The following ABCA13 variants were observed in gnomAD, a reference collection of about 807,000 sequenced individuals.
ABCA13 encodes ATP-binding cassette sub-family A member 13.
Under a neutral mutation model 478.7 loss-of-function variants are expected in ABCA13, and 476 were observed. The observed-to-expected ratio is 0.99, with a 90% CI of 0.92 to 1.07. The LOEUF (loss-of-function observed/expected upper bound fraction) is 1.07. Ranked by LOEUF, ABCA13 falls within the 50% of genes least tolerant of loss-of-function variation. The pLI is 0.00. For missense variants in ABCA13, 6,060 were observed against 5,910.6 expected (o/e 1.03, Z -0.83); for synonymous variants, 2,252 against 2,158.9 (o/e 1.04, Z -1.20).
At position 48,552,583 on chromosome 7, in the gene ABCA13, C is replaced by T. The variant is rs887724416; in HGVS notation, c.14354+24238C>T. ...TGTATTGTAGGAGCATTGTTCCTCA[C>T]CTTTGTTGCCTTTTTTTTTTTTAGA... is the stretch of plus-strand genomic sequence containing the variant. On this transcript the variant is annotated intron_variant, in intron 55 of 61. Coordinates refer to ENST00000435803, the MANE Select transcript of ABCA13 (RefSeq NM_152701.5). 4.9e-5 allele frequency among the ~76,000 whole-genome samples: 7 copies of T among 144,298 alleles called. 1 individual carries two copies. Among genetic ancestry groups the T allele is most frequent in the Admixed American group, 1.4e-4 (2 of 14,136 alleles). The allele number at this position is 144,298 out of a possible 152,430, so 94.7% of individuals were successfully genotyped here.
chr7:48,348,008 C>T (rs1313599633), intron 29 of ABCA13, among the ~76,000 whole-genome samples: 2 of 152,198 alleles, frequency 1.3e-5, no homozygotes, highest in African/African-American at 4.8e-5. Context: ...GAGCAGGCAC[C>T]CAACTCCATC....
chr7:48,175,829 T>C (rs189768599), intron 1 of ABCA13, among the ~76,000 whole-genome samples: 1 of 152,248 alleles, frequency 6.6e-6, no homozygotes, highest in Admixed American at 6.5e-5. Context: ...AATCTATCCC[T>C]ATTCTCTCCC....
At position 48,579,458 on chromosome 7, in the gene ABCA13, A is replaced by G. The variant is rs888753837; in HGVS notation, c.14355-766A>G. Among the ~76,000 whole-genome samples, 6 of 152,218 alleles carry G rather than the reference A, an allele frequency of 3.9e-5. 1 individual carries two copies. The highest frequency in any genetic ancestry group is 1.4e-4 in the African/African-American group (6 of 41,460). ...GCTAATAGAATGAGTAAAATACAAAACACTGACAATACCAAATGTTGACAA... is the reference window on the plus strand; with the variant it reads ...GCTAATAGAATGAGTAAAATACAAAGCACTGACAATACCAAATGTTGACAA... On this transcript the variant is annotated intron_variant, in intron 55 of 61. Coordinates refer to ENST00000435803, the MANE Select transcript of ABCA13 (RefSeq NM_152701.5).
At chr7:48,522,532 A>G (rs1035842992) in intron 53 of ABCA13, among the ~76,000 whole-genome samples, 6 of 152,106 alleles carry the variant, frequency 3.9e-5, no homozygotes, top group Admixed American at 2.6e-4. Flanking sequence ...GTTCTGCTAT[A>G]CCTAGGTCCC....
At chr7:48,518,145 A>C (rs1315864645) in intron 52 of ABCA13, among the ~76,000 whole-genome samples, 1 of 152,226 alleles carries the variant, frequency 6.6e-6, no homozygotes, top group African/African-American at 2.4e-5. Context: ...TCTACACTTT[A>C]AAGAGAAAAC....
chr7:48,362,872 C>T (rs1379830949), intron 31 of ABCA13, among the ~76,000 whole-genome samples: 1 of 152,122 alleles, frequency 6.6e-6, no homozygotes, highest in Non-Finnish European at 1.5e-5. Flanking sequence ...TAATATTCTA[C>T]ATTTGCCAAT....
intron 59 of ABCA13, among the ~76,000 whole-genome samples, chr7:48,639,968 A>G (rs1200131991): frequency 6.6e-6 from 1 of 152,178 alleles, no homozygotes; most frequent in Non-Finnish European, 1.5e-5. Flanking sequence ...TAGAATTCAA[A>G]ATAGTATAAA....
chr7:48,376,271 T>A (rs886128850), intron 34 of ABCA13, among the ~76,000 whole-genome samples, 170 bp from the exon 35 acceptor site: 1 of 152,212 alleles, frequency 6.6e-6, no homozygotes, highest in Admixed American at 6.5e-5. Flanking sequence ...AGGTGTAAGA[T>A]TGCACAAGTT....
intron 8 of ABCA13, among the ~76,000 whole-genome samples, chr7:48,236,300 G>A (rs1334238109): frequency 2.0e-5 from 3 of 152,074 alleles, no homozygotes; most frequent in Non-Finnish European, 4.4e-5. Context: ...TTTTTGGTAG[G>A]AGACATCTTT....
chr7:48,201,434 C>CTTCCCATGGG (rs201288720), intron 3 of ABCA13, among the ~76,000 whole-genome samples: 30,861 of 152,136 alleles, frequency 0.2, 3,380 homozygotes, highest in Middle Eastern at 0.26. Context: ...CTGCCCATGG[C>CTTCCCATGGG]TGTCTCACAC....
chr7:48,351,476 G>C (rs902200817), intron 30 of ABCA13, among the ~76,000 whole-genome samples: 1 of 152,214 alleles, frequency 6.6e-6, no homozygotes, highest in African/African-American at 2.4e-5. Flanking sequence ...GCTATGAGGA[G>C]AGAATCTTCT....
chr7:48,506,190 A>G (rs377013384), intron 48 of ABCA13, 146 bp from the exon 49 acceptor site: 2 of 772,932 alleles, frequency 2.6e-6, no homozygotes, highest in South Asian at 3.8e-5. Context: ...GGAATTTGCC[A>G]TTTTTTTCTG....
chr7:48,511,093 T>A lies in ABCA13; in HGVS notation c.13534T>A (p.Leu4512Met), dbSNP rs766233440. 1 of 1,613,456 alleles carries A rather than the reference T, an allele frequency of 6.2e-7. No homozygotes were observed. The highest frequency in any genetic ancestry group is 1.3e-5 in the African/African-American group (1 of 74,924). The change falls in exon 51 of 62, where the codon TTG (leucine) becomes ATG (methionine). Residue 4512 changes from leucine to methionine, a missense_variant. Transcript: ENST00000435803. ...TNFLYDMLFYLVSVCLCVAVI... is the reference protein window; with the variant it reads ...TNFLYDMLFYMVSVCLCVAVI... The stretch of plus-strand genomic sequence containing the variant: ...CTTTTTATCTTCTCAGCTCTTTTAC[T>A]TGGTTTCCGTCTGCCTGTGTGTTGC...
chr7:48,313,276 C>T (rs1046763429), intron 25 of ABCA13, 45 bp downstream of exon 25: 4 of 1,549,584 alleles, frequency 2.6e-6, no homozygotes, highest in East Asian at 4.7e-5. Flanking sequence ...CAAATTTGCC[C>T]CTTCTTTGTA....
At chr7:48,521,861 C>T (rs928331721) in intron 53 of ABCA13, among the ~76,000 whole-genome samples, 3 of 152,148 alleles carry the variant, frequency 2.0e-5, no homozygotes, top group African/African-American at 4.8e-5. Context: ...TTGCCTACTA[C>T]CATTTTATGG....
chr7:48,335,316 G>A (rs1741392153), intron 27 of ABCA13, 106 bp from the exon 28 acceptor site: 1 of 689,794 alleles, frequency 1.4e-6, no homozygotes, highest in Non-Finnish European at 2.3e-6. Context: ...TGGCCTGCAG[G>A]CAGATCTTTG....
chr7:48,484,638 C>A (rs1364934710), intron 47 of ABCA13, among the ~76,000 whole-genome samples: 2 of 152,128 alleles, frequency 1.3e-5, no homozygotes, highest in Non-Finnish European at 2.9e-5. Flanking sequence ...TTTGTGTGTT[C>A]TCCTCACATC....
chr7:48,535,862 G>A (rs1300537915), intron 55 of ABCA13, among the ~76,000 whole-genome samples: 1 of 152,154 alleles, frequency 6.6e-6, no homozygotes, highest in South Asian at 2.1e-4. Context: ...CACTCCCACC[G>A]TGGCCCTCCC....
At chr7:48,484,078 G>C (rs556898386) in intron 47 of ABCA13, among the ~76,000 whole-genome samples, 55 of 152,286 alleles carry the variant, frequency 3.6e-4, no homozygotes, top group African/African-American at 1.2e-3. Flanking sequence ...GTGGGGACTT[G>C]CATGGTTCAT....
Sources: gnomAD v4.1 joint callset for allele counts (sites outside exome capture counted in the v4.1 genomes callset) on GRCh38, gnomAD v4.1.1 for gene constraint, MANE v1.5 for transcripts, NCBI Gene and HGNC (gene_info 2026-07-23, HGNC 2026-07-21) for gene names.